Variants in PPHLN1 observed in about 807,000 individuals in gnomAD.
PPHLN1 encodes the protein periphilin-1.
In PPHLN1, 29 loss-of-function variants were observed where a neutral mutation model predicts 51.3. The ratio of observed to expected loss-of-function variants is 0.57; its 90% CI spans 0.42 to 0.77. The LOEUF is 0.77. Ranked by LOEUF, PPHLN1 falls within the 30% of genes least tolerant of loss-of-function variation. The pLI is 0.00. For synonymous variants in PPHLN1, 147 were observed against 147.8 expected, an observed-to-expected ratio of 0.99 and a Z score of 0.04; for missense variants, 436 against 438.4, an observed-to-expected ratio of 0.99 and a Z score of 0.05.
chr12:42,368,298 A>G (rs1157449986), intron 4 of PPHLN1, among the ~76,000 whole-genome samples: 2 of 152,064 alleles, frequency 1.3e-5, no homozygotes, highest in Non-Finnish European at 1.5e-5. Context: ...ATTCACCTGA[A>G]TTTATCATGA....
At chr12:42,369,620 C>G (rs1170577185) in intron 4 of PPHLN1, among the ~76,000 whole-genome samples, 1 of 152,092 alleles carries the variant, frequency 6.6e-6, no homozygotes. Context: ...TTATTATCCC[C>G]ACTTTATAGT....
intron 9 of PPHLN1, among the ~76,000 whole-genome samples, chr12:42,435,456 A>G (rs1220533395): frequency 1.3e-5 from 2 of 152,214 alleles, no homozygotes; most frequent in Non-Finnish European, 2.9e-5. Context: ...CTCAAAAGAT[A>G]TCTTTTTCTA....
rs1309594731 is a variant in PPHLN1, at chr12:42,355,274, A to T, written c.299+52A>T. On this transcript the variant is annotated intron_variant, in intron 4 of 9. Coordinates refer to ENST00000358314, the MANE Select transcript of PPHLN1 (RefSeq NM_201439.2). ...GTACTTTGATACTTGACTCACTGTG[A>T]TGTCTGCTTTGGAAATATAGACTCA... The T allele has an allele frequency of 3.4e-6, 5 of 1,473,624 alleles. No individual in the cohort carries two copies. In the African/African-American group the frequency reaches 7.0e-5, roughly 21 times the overall value. 91.3% of individuals were successfully genotyped at this position (1,473,624 alleles called of 1,614,324 possible).
chr12:42,394,534 ATCCTT>A (rs372177435), intron 8 of PPHLN1, among the ~76,000 whole-genome samples: 5 of 152,134 alleles, frequency 3.3e-5, no homozygotes, highest in African/African-American at 1.2e-4. Flanking sequence ...CAGTGAAAAG[ATCCTT>A]TCCAAAGTAA....
At chr12:42,336,008 A>C (rs767199482) in intron 2 of PPHLN1, 34 bp downstream of exon 2, 2 of 1,398,570 alleles carry the variant, frequency 1.4e-6, no homozygotes, top group East Asian at 5.0e-5. Flanking sequence ...TGATTCAAAA[A>C]CCTGGTGTCT....
intron 9 of PPHLN1, among the ~76,000 whole-genome samples, chr12:42,403,713 C>T (rs2139389096): frequency 6.6e-6 from 1 of 152,234 alleles, no homozygotes; most frequent in East Asian, 1.9e-4. Flanking sequence ...AGGGATGAGG[C>T]CATCTTGCAC....
chr12:42,412,584 G>A (rs11181489), intron 9 of PPHLN1, among the ~76,000 whole-genome samples: 30,260 of 151,516 alleles, frequency 0.2, 3,412 homozygotes, highest in African/African-American at 0.3. Flanking sequence ...TTTTCCTTCC[G>A]TATTGTATAA....
chr12:42,355,221 A>G lies in PPHLN1; in HGVS notation c.298A>G (p.Arg100Gly). The G allele has an allele frequency of 1.9e-6, 3 of 1,611,902 alleles. No homozygotes were observed. Among genetic ancestry groups the G allele is most frequent in the Non-Finnish European group, 2.5e-6 (3 of 1,178,134 alleles). Residue 100 changes from arginine (R) to glycine (G), a missense_variant and splice_region_variant, in exon 4 of 10, where the codon AGG (arginine) becomes GGG (glycine). Arg to Gly is a moderately radical substitution (Grantham distance 125). Coordinates refer to ENST00000358314, the MANE Select transcript of PPHLN1 (RefSeq NM_201439.2). ...DHSASRQPEY[R>G]DMRDGFRRKS... ...TTCTGCAAGCAGGCAACCTGAATAC[A>G]GGTAAAAGGATAAAAATAATAGCAT... is the stretch of plus-strand genomic sequence containing the variant.
intron 4 of PPHLN1, among the ~76,000 whole-genome samples, chr12:42,365,448 G>A (rs1192407346): frequency 6.6e-6 from 1 of 151,984 alleles, no homozygotes; most frequent in African/African-American, 2.4e-5. Context: ...CCACTTTGTC[G>A]AATTTTACTC....
At chr12:42,357,414 A>G (rs1200570691) in intron 4 of PPHLN1, among the ~76,000 whole-genome samples, 1 of 152,226 alleles carries the variant, frequency 6.6e-6, no homozygotes, top group Admixed American at 6.5e-5. Flanking sequence ...TGTACTGTTG[A>G]TGTCAAATAG....
chr12:42,339,442 G>T (rs2071162952), intron 2 of PPHLN1, among the ~76,000 whole-genome samples: 1 of 151,034 alleles, frequency 6.6e-6, no homozygotes, highest in South Asian at 2.1e-4. Flanking sequence ...TCAATACATT[G>T]TACCCCTTAG....
chr12:42,404,315 G>A (rs2079096524), intron 9 of PPHLN1, among the ~76,000 whole-genome samples: 1 of 151,978 alleles, frequency 6.6e-6, no homozygotes, highest in Non-Finnish European at 1.5e-5. Flanking sequence ...GATCACTTGA[G>A]GCCAGGAGTT....
chr12:42,373,125 G>A (rs1206798426), intron 4 of PPHLN1, among the ~76,000 whole-genome samples: 1 of 152,130 alleles, frequency 6.6e-6, no homozygotes, highest in Non-Finnish European at 1.5e-5. Context: ...TCTAATGTCA[G>A]CCTCTCCTAT....
downstream of PPHLN1, chr12:42,446,683 A>C: frequency 5.1e-6 from 8 of 1,561,026 alleles, no homozygotes; most frequent in Non-Finnish European, 7.0e-6. Context: ...AACCTGATGC[A>C]AAAAACAGAA....
intron 1 of PPHLN1, among the ~76,000 whole-genome samples, chr12:42,334,674 A>G (rs938378844): frequency 2.0e-5 from 3 of 152,170 alleles, no homozygotes; most frequent in Admixed American, 6.5e-5. Context: ...CTTTCTGTGT[A>G]CTGAAAGGTA....
At chr12:42,360,546 A>G (rs191733728) in intron 4 of PPHLN1, among the ~76,000 whole-genome samples, 3 of 128,288 alleles carry the variant, frequency 2.3e-5, no homozygotes, top group African/African-American at 9.0e-5. Flanking sequence ...CCCAGGCTGG[A>G]GCGCAATGGT....
chr12:42,431,943 A>G, intron 9 of PPHLN1: 1 of 1,509,538 alleles, frequency 6.6e-7, no homozygotes. Context: ...GACGATTAGT[A>G]CTGTGATGAG....
At chr12:42,335,741 CT>C (rs1565736285) in intron 1 of PPHLN1, 141 bp from the exon 2 acceptor site, 1 of 203,368 alleles carries the variant, frequency 4.9e-6, no homozygotes, top group Non-Finnish European at 9.1e-6. Context: ...AAGAAACATT[CT>C]TTCTTTTGGT....
intron 1 of PPHLN1, among the ~76,000 whole-genome samples, chr12:42,334,634 T>C (rs1308970366): frequency 6.6e-6 from 1 of 152,222 alleles, no homozygotes; most frequent in Non-Finnish European, 1.5e-5. Context: ...TTTTTTGAAA[T>C]GTGTTTCTTC....
Sources: allele counts gnomAD v4.1 joint callset (sites outside exome capture counted in the v4.1 genomes callset), GRCh38; gene constraint gnomAD v4.1.1; transcripts MANE v1.5; gene names NCBI Gene and HGNC (gene_info 2026-07-23, HGNC 2026-07-21).